Variants in PCDHGA1 observed in about 807,000 individuals in gnomAD.
The protein encoded by PCDHGA1 is protocadherin gamma-A1.
A neutral mutation model predicts 58.0 loss-of-function variants in PCDHGA1; 32 were observed. The ratio of observed to expected loss-of-function variants is 0.55; its 90% CI spans 0.42 to 0.74. PCDHGA1 has a LOEUF of 0.74. Ranked by LOEUF, PCDHGA1 falls within the 30% of genes least tolerant of loss-of-function variation. The probability of loss-of-function intolerance (pLI) is 0.00; values close to 1 mark genes in which losing one functional copy is unlikely to be tolerated. For synonymous variants in PCDHGA1, 498 were observed against 501.1 expected (o/e 0.99, Z 0.08); for missense variants, 1,205 against 1,182.3 (o/e 1.02, Z -0.28).
chr5:141,409,130 G>A, intron 1 of PCDHGA1: 1 of 1,613,994 alleles, frequency 6.2e-7, no homozygotes, highest in South Asian at 1.1e-5. Context: ...ATTTGATTTT[G>A]AAGATGTAGA....
In PCDHGA1 at chr5:141,332,235, G is replaced by C. The variant is rs1473447164; in HGVS notation, c.1551G>C (p.Leu517=). ...INSDTGVLYA[L]RSFDYEQFRD... is the part of the protein sequence containing the mutation. The stretch of plus-strand genomic sequence containing the variant: ...CCGACACTGGGGTCCTGTATGCGCT[G>C]CGATCCTTCGACTATGAGCAGTTCC... Residue 517 remains leucine (L), a synonymous_variant, in exon 1 of 4, where the codon CTG becomes CTC. Coordinates refer to ENST00000517417, the MANE Select transcript of PCDHGA1 (RefSeq NM_018912.3). The surrounding 1 kb of genome is among the most constrained non-coding windows in gnomAD (Gnocchi z 4.6). 6.2e-7 allele frequency: 1 copy of C among 1,614,226 alleles called. No individual in the cohort carries two copies. The highest frequency in any genetic ancestry group is 1.7e-5 in the Admixed American group (1 of 60,030).
Position 141,491,620 on chromosome 5 carries a change from A to C in PCDHGA1, c.2422-3187A>C. On this transcript the variant is annotated intron_variant, in intron 1 of 3. Coordinates refer to ENST00000517417, the MANE Select transcript of PCDHGA1 (RefSeq NM_018912.3). This position sits in a 1 kb window ranked among gnomAD's most constrained non-coding sequence, Gnocchi z 6.9. ...TGACTTCACTTTTCTAAGACCCCTC[A>C]GCGTTCAGCAGCCCACAGCTCTGGC... is the stretch of plus-strand genomic sequence containing the variant. 6.2e-7 allele frequency: 1 copy of C among 1,613,906 alleles called. No individual in the cohort carries two copies. The highest frequency in any genetic ancestry group is 1.1e-5 in the South Asian group (1 of 91,084).
chr5:141,400,863 T>G (rs370697957), intron 1 of PCDHGA1, among the ~76,000 whole-genome samples: 1 of 152,250 alleles, frequency 6.6e-6, no homozygotes. Context: ...TGTATGTAGA[T>G]AAACCATTAA....
chr5:141,436,035 A>G (rs957896521), intron 1 of PCDHGA1, among the ~76,000 whole-genome samples: 3 of 152,178 alleles, frequency 2.0e-5, no homozygotes, highest in Non-Finnish European at 4.4e-5. Flanking sequence ...CTAAATTTGT[A>G]TTTACATTAG....
rs771088007 is a variant in PCDHGA1 at position 141,423,000 on chromosome 5, G to T, written c.2422-71807G>T. On this transcript the variant is annotated intron_variant, in intron 1 of 3. Coordinates refer to ENST00000517417, the MANE Select transcript of PCDHGA1 (RefSeq NM_018912.3). ...CGGAACCTGGCTACCTGGTGACCAA[G>T]GTGGTTGCGGTGGACAAAGATTCAG... The T allele has an allele frequency of 2.5e-6, 4 of 1,614,116 alleles. No individual in the cohort carries two copies. The African/African-American group carries it at 5.3e-5, about 22-fold the overall frequency.
At chr5:141,340,272 C>A in intron 1 of PCDHGA1, 2 of 1,614,166 alleles carry the variant, frequency 1.2e-6, no homozygotes, top group East Asian at 4.5e-5. Context: ...TCCCTGTCCA[C>A]GGATGCTCAC....
At chr5:141,456,148 C>T (rs1408257938) in intron 1 of PCDHGA1, among the ~76,000 whole-genome samples, 13 of 152,078 alleles carry the variant, frequency 8.5e-5, no homozygotes, top group African/African-American at 3.1e-4. Flanking sequence ...CCGCCCGCCT[C>T]GGCCTCCTAA....
At chr5:141,345,890 G>A (rs532588683) in intron 1 of PCDHGA1, 58 of 1,613,234 alleles carry the variant, frequency 3.6e-5, no homozygotes, top group Non-Finnish European at 4.6e-5. Flanking sequence ...TCTTCTCGGT[G>A]GGTCTGCACA....
intron 1 of PCDHGA1, among the ~76,000 whole-genome samples, chr5:141,354,288 A>G: frequency 6.6e-6 from 1 of 152,310 alleles, no homozygotes; most frequent in African/African-American, 2.4e-5. Flanking sequence ...GTCATTCATG[A>G]AACATTGAAA....
chr5:141,356,087 C>T (rs768342539), intron 1 of PCDHGA1: 1 of 1,613,878 alleles, frequency 6.2e-7, no homozygotes, highest in Non-Finnish European at 8.5e-7. Context: ...CAGTTGAATT[C>T]TCTGAGTGGG....
chr5:141,343,844 C>A, intron 1 of PCDHGA1: 1 of 521,598 alleles, frequency 1.9e-6, no homozygotes, highest in Non-Finnish European at 3.3e-6. Context: ...TTCCTTGCTC[C>A]TAAAATGCAA....
In PCDHGA1 at chr5:141,510,834, G is replaced by A. The variant is rs1043468083; in HGVS notation, c.2570-113G>A. 49 of 1,581,762 alleles carry A rather than the reference G, an allele frequency of 3.1e-5. 1 individual carries two copies. The highest frequency in any genetic ancestry group is 4.0e-5 in the Non-Finnish European group (46 of 1,161,670). On this transcript the variant is annotated intron_variant, in intron 3 of 3. Coordinates refer to ENST00000517417, the MANE Select transcript of PCDHGA1 (RefSeq NM_018912.3). ...GACCCCTATATTCCCAGTGCTCAGC[G>A]TGGTCAAGGCCCAGGGTGCTGTATA...
At chr5:141,346,564 A>G in intron 1 of PCDHGA1, 1 of 1,461,188 alleles carries the variant, frequency 6.8e-7, no homozygotes, top group Non-Finnish European at 9.2e-7. Flanking sequence ...GGTTGTCATT[A>G]GTCCTTTGAC....
chr5:141,418,626 C>A (rs1237600131), intron 1 of PCDHGA1: 2 of 1,613,902 alleles, frequency 1.2e-6, no homozygotes, highest in African/African-American at 2.7e-5. Context: ...GAAGACGTGC[C>A]TCCAGGCACC....
rs370228411 is a variant in PCDHGA1 at position 141,330,643 on chromosome 5, C to G, written c.-42C>G. ...CAGCTCAGAAAAGCAGAAACGATAC[C>G]CTTGGTACTGGACTGGAAGAAAACT... On this transcript the variant is annotated 5_prime_UTR_variant, in exon 1 of 4. Coordinates refer to ENST00000517417, the MANE Select transcript of PCDHGA1 (RefSeq NM_018912.3). 6.5e-7 allele frequency: 1 copy of G among 1,549,630 alleles called. No homozygotes were observed. The highest frequency in any genetic ancestry group is 1.4e-5 in the African/African-American group (1 of 72,670).
At chr5:141,393,404 G>A (rs1159260916) in intron 1 of PCDHGA1, 1 of 1,614,024 alleles carries the variant, frequency 6.2e-7, no homozygotes, top group Non-Finnish European at 8.5e-7. Context: ...TGGTGCTGGA[G>A]CGCGCCCTGG....
Position 141,486,734 on chromosome 5 carries a change from C to A in PCDHGA1, c.2422-8073C>A. ...CCAGACAGGAGCTGTTCATGCTACT[C>A]GATCCTTTGACTATGAGCAAACCCA... On this transcript the variant is annotated intron_variant, in intron 1 of 3. Transcript: ENST00000517417. The surrounding 1 kb of genome is among the most constrained non-coding windows in gnomAD (Gnocchi z 5.0). The A allele has an allele frequency of 1.2e-6, 2 of 1,614,188 alleles. No homozygotes were observed. Among genetic ancestry groups the A allele is most frequent in the Non-Finnish European group, 1.7e-6 (2 of 1,180,040 alleles).
Position 141,345,286 on chromosome 5 carries a change from A to G in PCDHGA1, c.2421+12181A>G, listed in dbSNP as rs753585552. ...CTGGACCGCGAACAAATATCAGAAT[A>G]TAACATTAGTCTGAGAGCCTCAGAT... On this transcript the variant is annotated intron_variant, in intron 1 of 3. Coordinates refer to ENST00000517417, the MANE Select transcript of PCDHGA1 (RefSeq NM_018912.3). The G allele has an allele frequency of 1.2e-5, 19 of 1,613,904 alleles. No homozygotes were observed. Among genetic ancestry groups the G allele is most frequent in the Non-Finnish European group, 1.4e-5 (17 of 1,179,910 alleles).
intron 1 of PCDHGA1, chr5:141,399,057 A>C (rs747872462): frequency 6.2e-7 from 1 of 1,613,840 alleles, no homozygotes; most frequent in Admixed American, 1.7e-5. Context: ...AGACCAAGGA[A>C]TATTCAATGG....
Sources: allele counts gnomAD v4.1 joint callset (sites outside exome capture counted in the v4.1 genomes callset), GRCh38; gene constraint gnomAD v4.1.1; non-coding constraint Gnocchi (gnomAD v3.1); transcripts MANE v1.5; gene names NCBI Gene and HGNC (gene_info 2026-07-23, HGNC 2026-07-21).